Variants in FAM135B observed in about 807,000 individuals in gnomAD.
The protein encoded by FAM135B is protein FAM135B.
A neutral mutation model predicts 127.7 loss-of-function variants in FAM135B; 43 were observed. The observed-to-expected ratio is 0.34, with a 90% confidence interval of 0.26 to 0.43. The LOEUF is 0.43. Ranked by LOEUF, FAM135B falls within the 20% of genes least tolerant of loss-of-function variation. The pLI, the probability that FAM135B is intolerant of heterozygous loss-of-function variation, is 1.00. For missense variants in FAM135B, 1,558 were observed against 1,725.6 expected (o/e 0.90, Z 1.72); for synonymous variants, 670 against 665.1 (o/e 1.01, Z -0.11).
chr8:138,405,478 C>T (rs1419104799), intron 1 of FAM135B, among the ~76,000 whole-genome samples: 1 of 150,766 alleles, frequency 6.6e-6, no homozygotes, highest in African/African-American at 2.4e-5. Context: ...GTTTTCTGTC[C>T]TTCCGATAGT....
intron 2 of FAM135B, among the ~76,000 whole-genome samples, chr8:138,354,484 T>A (rs1036198991): frequency 6.6e-6 from 1 of 152,090 alleles, no homozygotes; most frequent in Non-Finnish European, 1.5e-5. Context: ...AAGTAACCCA[T>A]CCTGATACCT....
rs75821643 is a variant in FAM135B at position 138,278,796 on chromosome 8, T to C, written c.158-12954A>G. Among the ~76,000 whole-genome samples the C allele has an allele frequency of 6.8e-3, 1,034 of 152,232 alleles. 12 individuals are homozygous for C. The highest frequency in any genetic ancestry group is 0.012 in the Admixed American group (185 of 15,288). On this transcript the variant is annotated intron_variant, in intron 3 of 19. Coordinates refer to ENST00000395297, the MANE Select transcript of FAM135B (RefSeq NM_015912.4). Reference sequence around the variant, plus strand: ...CCAGTCTGGAGAACATGATTTTTTCTTAAAAAACTTCATTTTCTGTAAAAT... The same window carrying C: ...CCAGTCTGGAGAACATGATTTTTTCCTAAAAAACTTCATTTTCTGTAAAAT...
intron 1 of FAM135B, among the ~76,000 whole-genome samples, chr8:138,411,467 C>T (rs1271174031): frequency 2.0e-5 from 3 of 152,030 alleles, no homozygotes; most frequent in Admixed American, 6.6e-5. Context: ...CTTCCTTACA[C>T]CTTATACGAA....
intron 19 of FAM135B, among the ~76,000 whole-genome samples, chr8:138,133,792 G>A (rs752059165): frequency 6.6e-6 from 1 of 152,168 alleles, no homozygotes; most frequent in Non-Finnish European, 1.5e-5. Context: ...CAGCAGGGGA[G>A]AGTACTTAGA....
chr8:138,267,136 T>C (rs1344574084), intron 3 of FAM135B, among the ~76,000 whole-genome samples: 1 of 152,152 alleles, frequency 6.6e-6, no homozygotes, highest in African/African-American at 2.4e-5. Context: ...AGGAGGTAAT[T>C]ACATCCTAAG....
At chr8:138,384,356 T>TTATG (rs961014503) in intron 1 of FAM135B, among the ~76,000 whole-genome samples, 2 of 150,522 alleles carry the variant, frequency 1.3e-5, no homozygotes, top group African/African-American at 2.4e-5. Context: ...ATTTATTTAT[T>TTATG]TATTTATTTA....
intron 3 of FAM135B, among the ~76,000 whole-genome samples, chr8:138,296,041 C>T (rs780896475): frequency 6.6e-6 from 1 of 152,166 alleles, no homozygotes; most frequent in Non-Finnish European, 1.5e-5. Flanking sequence ...GAAAATAAGG[C>T]TCAGATATTT....
intron 1 of FAM135B, among the ~76,000 whole-genome samples, chr8:138,382,232 C>T (rs1481356059): frequency 6.6e-6 from 1 of 152,130 alleles, no homozygotes; most frequent in African/African-American, 2.4e-5. Flanking sequence ...GACAAGATAT[C>T]AAGATACGGA....
chr8:138,485,141 T>A (rs1814936257), intron 1 of FAM135B, among the ~76,000 whole-genome samples: 1 of 152,206 alleles, frequency 6.6e-6, no homozygotes, highest in South Asian at 2.1e-4. Context: ...TCTGATGTAA[T>A]CTATTTTAGA....
intron 1 of FAM135B, among the ~76,000 whole-genome samples, chr8:138,390,300 C>G (rs934928860): frequency 2.0e-5 from 3 of 152,058 alleles, no homozygotes. Context: ...GGGGCGGTTT[C>G]CCCCAGCTGT....
chr8:138,200,160 C>A (rs1471625734), intron 7 of FAM135B, among the ~76,000 whole-genome samples: 1 of 152,216 alleles, frequency 6.6e-6, no homozygotes, highest in Non-Finnish European at 1.5e-5. Context: ...TTTCTCAGCT[C>A]TGAAGTCTGG....
intron 1 of FAM135B, among the ~76,000 whole-genome samples, chr8:138,425,761 T>C (rs1262041262): frequency 6.6e-6 from 1 of 151,722 alleles, no homozygotes; most frequent in Non-Finnish European, 1.5e-5. Flanking sequence ...GGTCAAACAA[T>C]TGTTGGTCAG....
intron 3 of FAM135B, among the ~76,000 whole-genome samples, chr8:138,298,354 T>G (rs1256554743): frequency 6.6e-6 from 1 of 152,102 alleles, no homozygotes; most frequent in Admixed American, 6.5e-5. Context: ...AGACAATCTA[T>G]TCAAAGAAAA....
intron 3 of FAM135B, among the ~76,000 whole-genome samples, chr8:138,300,744 CTT>C (rs34292545): frequency 1.0e-5 from 1 of 100,496 alleles, no homozygotes; most frequent in South Asian, 3.7e-4. Context: ...ATTTTATCCA[CTT>C]TTTTTTTTTT....
chr8:138,240,381 G>T (rs987642676), intron 7 of FAM135B, among the ~76,000 whole-genome samples: 1 of 152,138 alleles, frequency 6.6e-6, no homozygotes, highest in Non-Finnish European at 1.5e-5. Context: ...CAGGTCTAAC[G>T]TTCTGAGCTG....
intron 3 of FAM135B, among the ~76,000 whole-genome samples, chr8:138,284,761 A>T (rs1416941794): frequency 6.6e-6 from 1 of 151,898 alleles, no homozygotes; most frequent in Non-Finnish European, 1.5e-5. Context: ...GGTCAGACAT[A>T]CCTCTTAGTG....
chr8:138,310,816 G>A, intron 3 of FAM135B, 25 bp downstream of exon 3: 1 of 1,609,850 alleles, frequency 6.2e-7, no homozygotes, highest in Non-Finnish European at 8.5e-7. Context: ...GGGGGCAAGT[G>A]CCCCATTGCC....
chr8:138,281,314 C>A (rs1824246565), intron 3 of FAM135B, among the ~76,000 whole-genome samples: 1 of 152,028 alleles, frequency 6.6e-6, no homozygotes, highest in South Asian at 2.1e-4. Flanking sequence ...AAAATATACA[C>A]AGAAGTCAAA....
At chr8:138,333,569 C>T (rs1307433965) in intron 2 of FAM135B, among the ~76,000 whole-genome samples, 1 of 152,096 alleles carries the variant, frequency 6.6e-6, no homozygotes, top group African/African-American at 2.4e-5. Flanking sequence ...AAGATAATAC[C>T]ACATCACCAC....
Sources: allele counts gnomAD v4.1 joint callset (sites outside exome capture counted in the v4.1 genomes callset), GRCh38; gene constraint gnomAD v4.1.1; transcripts MANE v1.5; gene names NCBI Gene and HGNC (gene_info 2026-07-23, HGNC 2026-07-21).